Variants in COL23A1 observed in about 807,000 individuals in gnomAD.
COL23A1 encodes the protein collagen alpha-1(XXIII) chain.
Under a neutral mutation model 99.3 loss-of-function variants are expected in COL23A1, and 97 were observed. That is an observed-to-expected ratio of 0.98 (90% CI 0.83 to 1.16). The LOEUF is 1.16. Among genes scored for constraint, COL23A1 ranks in the 50% most tolerant of loss-of-function variants. COL23A1 has a pLI of 0.00. For synonymous variants in COL23A1, 320 were observed against 308.2 expected, an observed-to-expected ratio of 1.04 and a Z score of -0.40; for missense variants, 762 against 757.4, an observed-to-expected ratio of 1.01 and a Z score of -0.07.
intron 2 of COL23A1, among the ~76,000 whole-genome samples, chr5:178,380,209 A>G (rs1449857366): frequency 6.6e-6 from 1 of 152,192 alleles, no homozygotes; most frequent in Non-Finnish European, 1.5e-5. Context: ...TCAATGGGTC[A>G]ATTGCTGCCT....
At position 178,255,801 on chromosome 5, in the gene COL23A1, G is replaced by A. The variant is rs141541013; in HGVS notation, c.882+552C>T. ...CTCCCCACCACCTGCACAGCCAGGC[G>A]GGGGCTCAGATCCATTTTTTTTGGA... On this transcript the variant is annotated intron_variant, in intron 15 of 28. Transcript: ENST00000390654. The surrounding 1 kb of genome is among the most constrained non-coding windows in gnomAD (Gnocchi z 4.2). 1.8e-4 allele frequency: 70 copies of A among 388,738 alleles called. No homozygotes were observed. The highest frequency in any genetic ancestry group is 9.3e-4 in the African/African-American group (44 of 47,232). 24.1% of individuals were successfully genotyped at this position (388,738 alleles called of 1,614,324 possible). A position where few individuals can be genotyped will look rare whatever the true frequency, so the allele number is the denominator to read the frequency against.
chr5:178,270,427 G>T, intron 5 of COL23A1, 64 bp from the exon 6 acceptor site: 1 of 1,582,452 alleles, frequency 6.3e-7, no homozygotes, highest in South Asian at 1.1e-5. Context: ...CATGTCTTAT[G>T]ACCCAGGTGC....
chr5:178,334,577 G>A (rs959023617), intron 2 of COL23A1, among the ~76,000 whole-genome samples: 28 of 152,268 alleles, frequency 1.8e-4, no homozygotes, highest in African/African-American at 4.6e-4. Context: ...GTTACCTAGC[G>A]GCACCCATGG....
chr5:178,379,656 C>T (rs956758373), intron 2 of COL23A1, among the ~76,000 whole-genome samples: 32 of 151,974 alleles, frequency 2.1e-4, no homozygotes, highest in Admixed American at 1.0e-3. Context: ...CCGAGGTGGG[C>T]GGATCACCGG....
intron 2 of COL23A1, among the ~76,000 whole-genome samples, chr5:178,460,932 G>T (rs1215880931): frequency 6.6e-6 from 1 of 152,064 alleles, no homozygotes; most frequent in Non-Finnish European, 1.5e-5. Context: ...AAGTTGTGGG[G>T]GTCTCAGCTC....
At chr5:178,288,301 CAA>C (rs5873603) in intron 5 of COL23A1, 21 bp downstream of exon 5, 3 of 1,590,440 alleles carry the variant, frequency 1.9e-6, no homozygotes, top group Middle Eastern at 1.7e-4. Context: ...GTGAAGAGAG[CAA>C]AAAAATAAAT....
Position 178,314,829 on chromosome 5 carries a change from C to T in COL23A1, c.362-7910G>A, listed in dbSNP as rs7705063. Among the ~76,000 whole-genome samples, 404 of 152,190 alleles carry T rather than the reference C, an allele frequency of 2.7e-3. 2 individuals carry two copies. The highest frequency in any genetic ancestry group is 0.014 in the Middle Eastern group (4 of 294). ...GGTTAATGGGCTTTCTGAGGCCGTACGCTGGTAGCCGGTAGAGTCACGCAG... is the reference window on the plus strand; with the variant it reads ...GGTTAATGGGCTTTCTGAGGCCGTATGCTGGTAGCCGGTAGAGTCACGCAG... On this transcript the variant is annotated intron_variant, in intron 2 of 28. Transcript: ENST00000390654.
intron 2 of COL23A1, among the ~76,000 whole-genome samples, chr5:178,416,111 A>G (rs1364996257): frequency 1.3e-5 from 2 of 152,196 alleles, no homozygotes; most frequent in Admixed American, 6.5e-5. Flanking sequence ...TCATTCATTC[A>G]TTCGCTCGTT....
At chr5:178,414,931 T>C (rs977877624) in intron 2 of COL23A1, among the ~76,000 whole-genome samples, 11 of 149,948 alleles carry the variant, frequency 7.3e-5, no homozygotes, top group African/African-American at 2.5e-4. Flanking sequence ...TGGGTAGGGG[T>C]GGGGAGTGGG....
intron 27 of COL23A1, 127 bp downstream of exon 27, chr5:178,241,915 G>T: frequency 1.5e-6 from 1 of 686,916 alleles, no homozygotes; most frequent in Non-Finnish European, 2.5e-6. Flanking sequence ...TGACAGTGAG[G>T]AAGGCCAGTG....
At position 178,289,418 on chromosome 5, in the gene COL23A1, C is replaced by T. The variant is rs543992113; in HGVS notation, c.414+944G>A. ...CCCTGCATTCAAACCTGCCTCTGGC[C>T]GGCCAGGAGAAGTTCAAGGGAGCTG... is the stretch of plus-strand genomic sequence containing the variant. On this transcript the variant is annotated intron_variant, in intron 4 of 28. Coordinates refer to ENST00000390654, the MANE Select transcript of COL23A1 (RefSeq NM_173465.4). 6.4e-4 allele frequency among the ~76,000 whole-genome samples: 98 copies of T among 152,278 alleles called. 1 individual carries two copies. Among genetic ancestry groups the T allele is most frequent in the Non-Finnish European group, 1.1e-3 (73 of 68,020 alleles).
In COL23A1 at chr5:178,250,113, G is replaced by A; in HGVS notation, c.1015-8C>T. The stretch of plus-strand genomic sequence containing the variant: ...GGGCAATCCAAGCTCGCCCTGGAAG[G>A]GAAGAGATGGCAAGAGGGGTTATGC... On this transcript the variant is annotated splice_region_variant and splice_polypyrimidine_tract_variant and intron_variant, in intron 17 of 28. Transcript: ENST00000390654. 1 of 1,614,144 alleles carries A rather than the reference G, an allele frequency of 6.2e-7. No individual in the cohort carries two copies.
intron 2 of COL23A1, among the ~76,000 whole-genome samples, chr5:178,450,138 C>T (rs1338640629): frequency 1.3e-5 from 2 of 152,128 alleles, no homozygotes; most frequent in African/African-American, 4.8e-5. Context: ...AAACATAATG[C>T]CAGACCCTGA....
At chr5:178,357,195 T>C (rs1324085073) in intron 2 of COL23A1, among the ~76,000 whole-genome samples, 1 of 152,200 alleles carries the variant, frequency 6.6e-6, no homozygotes, top group Non-Finnish European at 1.5e-5. Flanking sequence ...CAGCAGGAAG[T>C]GACCTTGAGG....
At position 178,340,367 on chromosome 5, in the gene COL23A1, G is replaced by A. The variant is rs1760584551; in HGVS notation, c.362-33448C>T. ...GGCTCCAGCGCAGGAGGGGTAGAAG[G>A]GGAAATAAAAGCTGGTCTCCTTGGC... On this transcript the variant is annotated intron_variant, in intron 2 of 28. Transcript: ENST00000390654. This position sits in a 1 kb window ranked among gnomAD's most constrained non-coding sequence, Gnocchi z 4.7. 6.6e-6 allele frequency among the ~76,000 whole-genome samples: 1 copy of A among 152,204 alleles called. No individual in the cohort carries two copies. The highest frequency in any genetic ancestry group is 2.4e-5 in the African/African-American group (1 of 41,458).
rs537101470 is a variant in COL23A1 at position 178,247,886 on chromosome 5, C to A, written c.1213-55G>T. 3.0e-5 allele frequency: 44 copies of A among 1,471,920 alleles called. No individual in the cohort carries two copies. In the Admixed American group the frequency reaches 7.9e-4, roughly 26 times the overall value. 91.2% of individuals were successfully genotyped at this position (1,471,920 alleles called of 1,614,324 possible). On this transcript the variant is annotated intron_variant, in intron 20 of 28. Transcript: ENST00000390654. ...CCACCGCCTGTCACCCTCACCTACC[C>A]GCACCCGAGCTCATCGCACACTGCT...
At chr5:178,577,406 CA>C (rs1250160160) in intron 1 of COL23A1, among the ~76,000 whole-genome samples, 2 of 152,232 alleles carry the variant, frequency 1.3e-5, no homozygotes, top group Non-Finnish European at 2.9e-5. Context: ...TCCGGAGGCC[CA>C]GGGGTGAGGA....
intron 3 of COL23A1, among the ~76,000 whole-genome samples, chr5:178,294,695 A>G (rs181107774): frequency 6.6e-6 from 1 of 152,390 alleles, no homozygotes. Flanking sequence ...TAAAAATCCT[A>G]GAAGAAAATG....
chr5:178,382,476 C>T (rs1230018888), intron 2 of COL23A1, among the ~76,000 whole-genome samples: 1 of 152,160 alleles, frequency 6.6e-6, no homozygotes, highest in Admixed American at 6.5e-5. Flanking sequence ...TAATGCCAGG[C>T]TGGGGCAGGG....
Sources: allele counts gnomAD v4.1 joint callset (sites outside exome capture counted in the v4.1 genomes callset), GRCh38; gene constraint gnomAD v4.1.1; non-coding constraint Gnocchi (gnomAD v3.1); transcripts MANE v1.5; gene names NCBI Gene and HGNC (gene_info 2026-07-23, HGNC 2026-07-21).